The following GATA4 variants were observed in gnomAD, a reference collection of about 807,000 sequenced individuals.
The protein encoded by GATA4 is transcription factor GATA-4.
In GATA4, 7 loss-of-function variants were observed where a neutral mutation model predicts 37.9. That is an observed-to-expected ratio of 0.18 (90% CI 0.11 to 0.35). GATA4 has a LOEUF of 0.35. Among genes scored for constraint, GATA4 ranks in the 10% least tolerant of loss-of-function variants. The pLI is 1.00. For missense variants in GATA4, 647 were observed against 653.0 expected (o/e 0.99, Z 0.10); for synonymous variants, 372 against 292.6 (o/e 1.27, Z -2.77).
At chr8:11,696,017 T>C (rs1369932145) in intron 1 of GATA4, among the ~76,000 whole-genome samples, 1 of 152,218 alleles carries the variant, frequency 6.6e-6, no homozygotes, top group Non-Finnish European at 1.5e-5. Flanking sequence ...GTACCAGGGA[T>C]GTGGACTCGC....
intron 2 of GATA4, among the ~76,000 whole-genome samples, chr8:11,730,698 C>T (rs537019037): frequency 5.9e-5 from 9 of 152,214 alleles, no homozygotes; most frequent in African/African-American, 1.4e-4. Context: ...CAACACTGAG[C>T]GCTTAGGATG....
chr8:11,704,655 T>C (rs1164429390), intron 1 of GATA4, among the ~76,000 whole-genome samples: 1 of 152,188 alleles, frequency 6.6e-6, no homozygotes, highest in Non-Finnish European at 1.5e-5. Context: ...CCGCGTGAAG[T>C]TACCGGGACT....
At position 11,748,980 on chromosome 8, in the gene GATA4, G is replaced by A. The variant is rs1204548141; in HGVS notation, c.681G>A (p.Pro227=). The A allele has an allele frequency of 3.7e-6, 6 of 1,614,082 alleles. No individual in the cohort carries two copies. Among genetic ancestry groups the A allele is most frequent in the African/African-American group, 1.3e-5 (1 of 74,930 alleles). Residue 227 remains proline (P), a synonymous_variant, in exon 3 of 7, where the codon CCG becomes CCA. Transcript: ENST00000532059. The part of the protein sequence containing the change: ...ECVNCGAMST[P]LWRRDGTGHY... ...TCAACTGTGGGGCTATGTCCACCCCGCTCTGGAGGCGAGATGGGACGGGTC... is the reference window on the plus strand; with the variant it reads ...TCAACTGTGGGGCTATGTCCACCCCACTCTGGAGGCGAGATGGGACGGGTC...
intron 2 of GATA4, among the ~76,000 whole-genome samples, chr8:11,713,875 C>T (rs1262577679): frequency 6.6e-6 from 1 of 152,160 alleles, no homozygotes; most frequent in Non-Finnish European, 1.5e-5. Flanking sequence ...GTGAAACGGA[C>T]GTAGCCGGAG....
At position 11,712,552 on chromosome 8, in the gene GATA4, A is replaced by G. The variant is rs1426284219; in HGVS notation, c.616+3624A>G. 1.3e-5 allele frequency among the ~76,000 whole-genome samples: 2 copies of G among 152,098 alleles called. 1 individual carries two copies. The highest frequency in any genetic ancestry group is 1.3e-4 in the Admixed American group (2 of 15,264). On this transcript the variant is annotated intron_variant, in intron 2 of 6. Coordinates refer to ENST00000532059, the MANE Select transcript of GATA4 (RefSeq NM_001308093.3). ...GAAATATTGACCATTTTATAGGAAA[A>G]AAAAGAAAGACAAAGAAAAAGAGGC...
At chr8:11,694,762 A>C (rs536986320) in intron 1 of GATA4, among the ~76,000 whole-genome samples, 3 of 152,288 alleles carry the variant, frequency 2.0e-5, no homozygotes, top group Admixed American at 2.0e-4. Context: ...TTTTTCTTCC[A>C]TGATCACAGA....
intron 1 of GATA4, chr8:11,697,962 A>T (rs2130009188): frequency 1.0e-6 from 1 of 985,448 alleles, no homozygotes; most frequent in Non-Finnish European, 1.2e-6. Context: ...GCGGCGCTCC[A>T]GCCGCGGGTG....
intron 2 of GATA4, among the ~76,000 whole-genome samples, chr8:11,740,152 C>T (rs1801656773): frequency 6.6e-6 from 1 of 152,172 alleles, no homozygotes; most frequent in Non-Finnish European, 1.5e-5. Context: ...GACCCAGTGC[C>T]CAATGCGTTG....
chr8:11,695,754 C>G (rs955812342), intron 1 of GATA4, among the ~76,000 whole-genome samples: 1 of 152,110 alleles, frequency 6.6e-6, no homozygotes, highest in South Asian at 2.1e-4. Context: ...GGAGGATAAC[C>G]CTCACTCTGA....
intron 5 of GATA4, 30 bp from the exon 6 acceptor site, chr8:11,756,904 AT>A: frequency 6.2e-7 from 1 of 1,614,158 alleles, no homozygotes; most frequent in Admixed American, 1.7e-5. Context: ...CCTGCCGCTG[AT>A]TTGGGTGTGC....
At chr8:11,689,028 C>T (rs772447132), upstream of GATA4, among the ~76,000 whole-genome samples, 21 of 152,192 alleles carry the variant, frequency 1.4e-4, no homozygotes, top group Non-Finnish European at 2.1e-4. Context: ...CAGTGGTGGA[C>T]CTGAGACCCA....
intron 1 of GATA4, among the ~76,000 whole-genome samples, chr8:11,698,446 A>G (rs1277244759): frequency 6.6e-6 from 1 of 151,910 alleles, no homozygotes; most frequent in African/African-American, 2.4e-5. Flanking sequence ...ATGAATCCCC[A>G]TCTCTCCCTC....
intron 2 of GATA4, among the ~76,000 whole-genome samples, chr8:11,711,845 GT>G (rs1800198725): frequency 1.3e-5 from 2 of 151,488 alleles, no homozygotes; most frequent in South Asian, 4.2e-4. Context: ...GGCAGCTTTA[GT>G]GAGGACCAGC....
At chr8:11,753,017 A>C (rs180913344) in intron 4 of GATA4, among the ~76,000 whole-genome samples, 2 of 152,348 alleles carry the variant, frequency 1.3e-5, no homozygotes, top group East Asian at 3.9e-4. Context: ...GAAAATAAAA[A>C]AATAGAATTA....
chr8:11,741,395 C>T (rs1563221551), intron 2 of GATA4, among the ~76,000 whole-genome samples: 1 of 152,188 alleles, frequency 6.6e-6, no homozygotes, highest in East Asian at 1.9e-4. Flanking sequence ...AGGAGGATCG[C>T]CTGGGGCCGC....
upstream of GATA4, among the ~76,000 whole-genome samples, chr8:11,688,578 T>C (rs1361657485): frequency 1.3e-5 from 2 of 152,148 alleles, no homozygotes; most frequent in African/African-American, 4.8e-5. Context: ...TAAATCTTTG[T>C]GTGGGGACGT....
At chr8:11,743,256 C>A in intron 2 of GATA4, among the ~76,000 whole-genome samples, 1 of 152,256 alleles carries the variant, frequency 6.6e-6, no homozygotes, top group South Asian at 2.1e-4. Flanking sequence ...AAGGAGTTAG[C>A]ATGGATTTTG....
chr8:11,754,043 G>A (rs1030549269), intron 4 of GATA4, among the ~76,000 whole-genome samples: 2 of 152,200 alleles, frequency 1.3e-5, no homozygotes, highest in African/African-American at 4.8e-5. Context: ...TGGTCACAGG[G>A]CAGTCTCTAG....
At position 11,756,972 on chromosome 8, in the gene GATA4, T is replaced by G; in HGVS notation, c.1038T>G (p.Gly346=). ...SGSESLPPAS[G]ASSNSSNATT... is the part of the protein sequence containing the mutation. ...GTGAGAGCCTTCCTCCCGCCAGCGG[T>G]GCTTCCAGCAACTCCAGCAACGCCA... Residue 346 remains glycine, a synonymous_variant, in exon 6 of 7, where the codon GGT becomes GGG. Transcript: ENST00000532059. 1 of 1,614,194 alleles carries G rather than the reference T, an allele frequency of 6.2e-7. No individual in the cohort carries two copies. Among genetic ancestry groups the G allele is most frequent in the Non-Finnish European group, 8.5e-7 (1 of 1,180,036 alleles).
Sources: gnomAD v4.1 joint callset for allele counts (sites outside exome capture counted in the v4.1 genomes callset) on GRCh38, gnomAD v4.1.1 for gene constraint, MANE v1.5 for transcripts, NCBI Gene and HGNC (gene_info 2026-07-23, HGNC 2026-07-21) for gene names.